Variants in ARRB2 observed in about 807,000 individuals in gnomAD.
ARRB2 encodes beta-arrestin-2.
In ARRB2, 21 loss-of-function variants were observed where a neutral mutation model predicts 53.4. The observed-to-expected ratio is 0.39, with a 90% CI of 0.28 to 0.57. The LOEUF (loss-of-function observed/expected upper bound fraction) is 0.57, where lower values mean the gene tolerates loss of function less well. Among genes scored for constraint, ARRB2 ranks in the 20% least tolerant of loss-of-function variants. The probability of loss-of-function intolerance (pLI) is 0.55; values close to 1 mark genes in which losing one functional copy is unlikely to be tolerated. For synonymous variants in ARRB2, 180 were observed against 212.9 expected (o/e 0.85, Z 1.34); for missense variants, 369 against 527.5 (o/e 0.70, Z 2.94).
intron 10 of ARRB2, among the ~76,000 whole-genome samples, chr17:4,719,018 C>G (rs534797343): frequency 6.6e-6 from 1 of 152,340 alleles, no homozygotes; most frequent in East Asian, 1.9e-4. Flanking sequence ...AAGTGACCCA[C>G]CCGTCGCGGC....
In ARRB2 at chr17:4,717,306, A is replaced by G. The variant is rs1915175897; in HGVS notation, c.417+30A>G. ...GGGAGGAACAGCTCTGAGGGCTCCT[A>G]GGGCAGGACATGGGCCAGCAGGAGC... On this transcript the variant is annotated intron_variant, in intron 6 of 14. Transcript: ENST00000269260. This position sits in a 1 kb window ranked among gnomAD's most constrained non-coding sequence, Gnocchi z 6.0. The G allele has an allele frequency of 1.2e-6, 2 of 1,611,868 alleles. No individual in the cohort carries two copies. Among genetic ancestry groups the G allele is most frequent in the African/African-American group, 1.3e-5 (1 of 74,912 alleles).
Position 4,721,279 on chromosome 17 carries a change from G to T in ARRB2, c.*240G>T. The T allele has an allele frequency of 1.9e-6, 1 of 517,526 alleles. No homozygotes were observed. The highest frequency in any genetic ancestry group is 3.4e-6 in the Non-Finnish European group (1 of 291,928). 32.1% of individuals were successfully genotyped at this position (517,526 alleles called of 1,614,324 possible). Reference sequence around the variant, plus strand: ...CTCTGCTTCTCCAGCCCCGCCGTGGGTGGCAAGCTGTGTTCATACCTAAAT... The same window carrying T: ...CTCTGCTTCTCCAGCCCCGCCGTGGTTGGCAAGCTGTGTTCATACCTAAAT... On this transcript the variant is annotated 3_prime_UTR_variant, in exon 15 of 15. Transcript: ENST00000269260. The surrounding 1 kb of genome is among the most constrained non-coding windows in gnomAD (Gnocchi z 4.2).
rs1395716768 is a variant in ARRB2, at chr17:4,712,778, CTATT to C, written c.23+2038_23+2041del. On this transcript the variant is annotated intron_variant, in intron 1 of 14. Transcript: ENST00000269260. ...AGCAAATAACCTTCAATTCAACAAA[CTATT>C]TATGCCAACTGCAGAGACAGATAGT... Among the ~76,000 whole-genome samples the C allele has an allele frequency of 2.6e-5, 4 of 152,208 alleles. No individual in the cohort carries two copies. The East Asian group carries it at 5.8e-4, about 22-fold the overall frequency.
chr17:4,718,392 C>T (rs1420160838), intron 9 of ARRB2, 47 bp downstream of exon 9: 2 of 1,561,846 alleles, frequency 1.3e-6, no homozygotes, highest in Non-Finnish European at 1.8e-6. Flanking sequence ...GGCGTTACTG[C>T]ACAGGTGGCT....
intron 1 of ARRB2, chr17:4,714,612 G>A (rs529816299): frequency 4.9e-6 from 1 of 202,490 alleles, no homozygotes; most frequent in African/African-American, 2.4e-5. Context: ...CGGGAAGAAG[G>A]GTTCCCCTTG....
At chr17:4,716,078 G>A (rs1443476178) in intron 3 of ARRB2, 45 bp downstream of exon 3, 3 of 1,614,070 alleles carry the variant, frequency 1.9e-6, no homozygotes, top group Non-Finnish European at 2.5e-6. Flanking sequence ...AAGAGGGGAA[G>A]AAGTTCCCGG....
Position 4,719,405 on chromosome 17 carries a change from T to G in ARRB2, c.902T>G (p.Leu301Arg), listed in dbSNP as rs752736965. The G allele has an allele frequency of 1.2e-6, 2 of 1,613,530 alleles. No homozygotes were observed. The change falls in exon 11 of 15, where the codon CTG becomes CGG. Residue 301 changes from leucine to arginine, a missense_variant. Transcript: ENST00000269260. ...AAACTCAAGCACGAGGACACCAACC[T>G]GGCTTCCAGCACCATGTGAGGGTGG... ...DGKLKHEDTN[L>R]ASSTIVKEGA...
In ARRB2 at chr17:4,716,500, C is replaced by T. The variant is rs202088359; in HGVS notation, c.249C>T (p.Ala83=). The change falls in exon 5 of 15, where the codon GCC becomes GCT. Residue 83 remains alanine (A), a synonymous_variant. Transcript: ENST00000269260. The part of the protein sequence containing the change: ...GLSFRKDLFI[A]TYQAFPPVPN... ...CCTTCCGCAAAGACCTGTTCATCGC[C>T]ACCTACCAGGCCTTCCCCCCGGTGC... is the stretch of plus-strand genomic sequence containing the variant. 8.1e-6 allele frequency: 13 copies of T among 1,614,062 alleles called. No homozygotes were observed. The African/African-American group carries it at 1.3e-4, about 17-fold the overall frequency.
In ARRB2 at chr17:4,720,437, C is replaced by A. The variant is rs375311195; in HGVS notation, c.1046C>A (p.Pro349His). The change falls in exon 13 of 15, where the codon CCC becomes CAC. Residue 349 changes from proline (P) to histidine (H), a missense_variant. Pro to His is a moderately conservative substitution (Grantham distance 77). Coordinates refer to ENST00000269260, the MANE Select transcript of ARRB2 (RefSeq NM_004313.4). ...ELPFVLMHPKPHDHIPLPRPQ... is the reference protein window; with the variant it reads ...ELPFVLMHPKHHDHIPLPRPQ... ...CCTTTTGTTCTTATGCACCCCAAGC[C>A]CCACGACCACATCCCCCTCCCCAGA... The A allele has an allele frequency of 6.2e-7, 1 of 1,613,730 alleles. No homozygotes were observed. The highest frequency in any genetic ancestry group is 1.1e-5 in the South Asian group (1 of 91,060).
In ARRB2 at chr17:4,717,512, C is replaced by A; in HGVS notation, c.418-173C>A. The A allele has an allele frequency of 2.0e-6, 2 of 976,214 alleles. No homozygotes were observed. Among genetic ancestry groups the A allele is most frequent in the Non-Finnish European group, 3.1e-6 (2 of 650,050 alleles). 60.5% of individuals were successfully genotyped at this position (976,214 alleles called of 1,614,324 possible). On this transcript the variant is annotated intron_variant, in intron 6 of 14. Coordinates refer to ENST00000269260, the MANE Select transcript of ARRB2 (RefSeq NM_004313.4). This position sits in a 1 kb window ranked among gnomAD's most constrained non-coding sequence, Gnocchi z 6.0. ...GGGGGCTCCCCTTGCACTACCATGACCAAGCCTCTGCCAGGTTCTGGGCTT... is the reference window on the plus strand; with the variant it reads ...GGGGGCTCCCCTTGCACTACCATGAACAAGCCTCTGCCAGGTTCTGGGCTT...
At chr17:4,718,716 T>G in intron 10 of ARRB2, 32 bp downstream of exon 10, 1 of 1,595,460 alleles carries the variant, frequency 6.3e-7, no homozygotes, top group Non-Finnish European at 8.6e-7. Context: ...TGTTCCAATC[T>G]AGGGGAGAAG....
chr17:4,715,259 G>C, intron 2 of ARRB2: 1 of 589,932 alleles, frequency 1.7e-6, no homozygotes, highest in Non-Finnish European at 2.9e-6. Context: ...GGGCAGGCTT[G>C]GGTCCCCAAG....
chr17:4,718,793 TTTTTGAGATGGAG>T, intron 10 of ARRB2, 109 bp downstream of exon 10: 1 of 1,276,286 alleles, frequency 7.8e-7, no homozygotes, highest in Non-Finnish European at 1.1e-6. Flanking sequence ...TTTTTTTTTT[TTTTTGAGATGGAG>T]TTTTTGCTCT....
At chr17:4,718,423 G>A (rs756164545) in intron 9 of ARRB2, 78 bp downstream of exon 9, 7 of 1,503,918 alleles carry the variant, frequency 4.7e-6, no homozygotes, top group Middle Eastern at 1.8e-4. Flanking sequence ...TCTCAGCCCA[G>A]GCCATTTCCC....
chr17:4,720,953 A>G lies in ARRB2; in HGVS notation c.1144A>G (p.Thr382Ala), dbSNP rs778387823. ...NLIEFDTNYA[T>A]DDDIVFEDFA... ...CTCTTTCCCACCACCAAGCTATGCC[A>G]CAGATGATGACATTGTGTTTGAGGA... Residue 382 changes from threonine to alanine, a missense_variant, in exon 15 of 15, where the codon ACA becomes GCA. Coordinates refer to ENST00000269260, the MANE Select transcript of ARRB2 (RefSeq NM_004313.4). 1.2e-6 allele frequency: 2 copies of G among 1,613,964 alleles called. No individual in the cohort carries two copies. The highest frequency in any genetic ancestry group is 1.7e-6 in the Non-Finnish European group (2 of 1,179,916).
intron 1 of ARRB2, among the ~76,000 whole-genome samples, chr17:4,712,935 CA>C (rs1914561728): frequency 6.6e-6 from 1 of 152,206 alleles, no homozygotes; most frequent in African/African-American, 2.4e-5. Flanking sequence ...ACCTGTAAAA[CA>C]GAGATATTAG....
Position 4,717,813 on chromosome 17 carries a change from C to T in ARRB2, c.485+61C>T. The T allele has an allele frequency of 6.2e-7, 1 of 1,601,928 alleles. No individual in the cohort carries two copies. The highest frequency in any genetic ancestry group is 8.5e-7 in the Non-Finnish European group (1 of 1,173,850). Reference sequence around the variant, plus strand: ...GGCTTTCCTCCCCGCTTCCAGGAGCCCAGGCCCCGTGCGGGGGAGGAGTAG... The same window carrying T: ...GGCTTTCCTCCCCGCTTCCAGGAGCTCAGGCCCCGTGCGGGGGAGGAGTAG... On this transcript the variant is annotated intron_variant, in intron 7 of 14. Coordinates refer to ENST00000269260, the MANE Select transcript of ARRB2 (RefSeq NM_004313.4). The surrounding 1 kb of genome is among the most constrained non-coding windows in gnomAD (Gnocchi z 6.0).
Position 4,720,659 on chromosome 17 carries a change from T to C in ARRB2, c.1136+19T>C. 1 of 1,534,108 alleles carries C rather than the reference T, an allele frequency of 6.5e-7. No individual in the cohort carries two copies. Among genetic ancestry groups the C allele is most frequent in the Non-Finnish European group, 8.8e-7 (1 of 1,139,564 alleles). On this transcript the variant is annotated intron_variant, in intron 14 of 14. Coordinates refer to ENST00000269260, the MANE Select transcript of ARRB2 (RefSeq NM_004313.4). Reference sequence around the variant, plus strand: ...ATACCAAGTAAGAAACTCATTCCCCTACTTGACCCTCTTGGGACAAAGATT... The same window carrying C: ...ATACCAAGTAAGAAACTCATTCCCCCACTTGACCCTCTTGGGACAAAGATT...
At chr17:4,715,519 C>A in intron 2 of ARRB2, 1 of 189,280 alleles carries the variant, frequency 5.3e-6, no homozygotes, top group African/African-American at 3.6e-5. Context: ...ACACACACAC[C>A]TGGCTGGTTG....
Sources: allele counts gnomAD v4.1 joint callset (sites outside exome capture counted in the v4.1 genomes callset), GRCh38; gene constraint gnomAD v4.1.1; non-coding constraint Gnocchi (gnomAD v3.1); transcripts MANE v1.5; gene names NCBI Gene and HGNC (gene_info 2026-07-23, HGNC 2026-07-21).